The following SOCS7 variants were observed in gnomAD, a reference collection of about 807,000 sequenced individuals.
SOCS7 encodes the protein NAP-4.
A neutral mutation model predicts 58.9 loss-of-function variants in SOCS7; 18 were observed. The observed-to-expected ratio is 0.31, with a 90% CI of 0.21 to 0.45. SOCS7 has a LOEUF of 0.45. Among genes scored for constraint, SOCS7 ranks in the 20% least tolerant of loss-of-function variants. The pLI is 1.00. For missense variants in SOCS7, 667 were observed against 837.3 expected (o/e 0.80, Z 2.51); for synonymous variants, 388 against 364.3 (o/e 1.06, Z -0.74).
chr17:38,358,471 A>G (rs1555567129), intron 1 of SOCS7, among the ~76,000 whole-genome samples: 1 of 152,216 alleles, frequency 6.6e-6, no homozygotes, highest in Non-Finnish European at 1.5e-5. Context: ...TAAACTTAAC[A>G]AATAGAATGT....
intron 7 of SOCS7, among the ~76,000 whole-genome samples, chr17:38,390,549 T>G (rs2038156995): frequency 6.6e-6 from 1 of 152,174 alleles, no homozygotes. Context: ...ATATTATGTC[T>G]TCTGATCCAT....
At chr17:38,366,526 G>A in intron 5 of SOCS7, 109 bp downstream of exon 5, 1 of 1,343,732 alleles carries the variant, frequency 7.4e-7, no homozygotes, top group Non-Finnish European at 1.0e-6. Context: ...ACAGGGTCTG[G>A]CTCTGTTGCC....
chr17:38,373,507 T>G (rs1361755214), intron 6 of SOCS7, among the ~76,000 whole-genome samples: 1 of 152,236 alleles, frequency 6.6e-6, no homozygotes, highest in African/African-American at 2.4e-5. Context: ...GCTGACTCTC[T>G]GGTTTTGTGC....
At chr17:38,372,135 A>AT (rs1206718141) in intron 6 of SOCS7, among the ~76,000 whole-genome samples, 1 of 152,094 alleles carries the variant, frequency 6.6e-6, no homozygotes, top group Non-Finnish European at 1.5e-5. Flanking sequence ...ATATTGGAAA[A>AT]TTTTTTGGAG....
chr17:38,389,906 T>TATATATATGTAC (rs1555571102), intron 7 of SOCS7, among the ~76,000 whole-genome samples: 7 of 103,470 alleles, frequency 6.8e-5, no homozygotes, highest in African/African-American at 9.4e-5. Context: ...TATACACATA[T>TATATATATGTAC]AGAGAGAGAG....
At chr17:38,375,773 A>G (rs1400031093) in intron 6 of SOCS7, 4 of 152,170 alleles carry the variant, frequency 2.6e-5, no homozygotes, top group Admixed American at 1.3e-4. Flanking sequence ...AAGGTCATTA[A>G]TAGGTTCTTG....
intron 6 of SOCS7, chr17:38,376,104 A>G (rs2037927594): frequency 6.6e-6 from 1 of 152,240 alleles, no homozygotes; most frequent in African/African-American, 2.4e-5. Flanking sequence ...ACAGTGAAAT[A>G]TATGTAAACT....
At chr17:38,368,504 TTC>T (rs938869673) in intron 6 of SOCS7, among the ~76,000 whole-genome samples, 6 of 141,420 alleles carry the variant, frequency 4.2e-5, no homozygotes, top group African/African-American at 1.7e-4. Context: ...CTGAATTTCT[TTC>T]TTTTTTTTTT....
Position 38,404,908 on chromosome 17 carries a change from A to G in SOCS7, c.*5426A>G, listed in dbSNP as rs1410134349. 1 of 152,138 alleles carries G rather than the reference A, an allele frequency of 6.6e-6. No individual in the cohort carries two copies. Among genetic ancestry groups the G allele is most frequent in the African/African-American group, 2.4e-5 (1 of 41,422 alleles). 9.4% of individuals were successfully genotyped at this position (152,138 alleles called of 1,614,324 possible). ...CACTGGTGCTGCCTGTGGCATAGCC[A>G]CTGCTGTACGTTTTTGGTTGTTTTT... On this transcript the variant is annotated 3_prime_UTR_variant, in exon 10 of 10. Coordinates refer to ENST00000612932, the MANE Select transcript of SOCS7 (RefSeq NM_014598.4).
chr17:38,364,616 TG>T, intron 2 of SOCS7, 135 bp from the exon 3 acceptor site: 1 of 679,918 alleles, frequency 1.5e-6, no homozygotes, highest in Non-Finnish European at 2.6e-6. Context: ...ATTTCAGCCC[TG>T]GGGGCATTAG....
In SOCS7 at chr17:38,352,816, C is replaced by T; in HGVS notation, c.764C>T (p.Pro255Leu). 1.3e-6 allele frequency: 2 copies of T among 1,558,928 alleles called. No individual in the cohort carries two copies. The highest frequency in any genetic ancestry group is 1.7e-6 in the Non-Finnish European group (2 of 1,151,912). ...CAGCAGCAGCAGCAACCTCCCCCGC[C>T]CCCGCCTCCTCCCGGGCCCCTCCGG... ...QQQQQQQPPP[P>L]PPPPGPLRPL... Residue 255 changes from proline to leucine, a missense_variant, in exon 1 of 10, where the codon CCC (proline) becomes CTC (leucine). Physicochemically the swap from Pro to Leu is moderately conservative, Grantham distance 98. Coordinates refer to ENST00000612932, the MANE Select transcript of SOCS7 (RefSeq NM_014598.4). The surrounding 1 kb of genome is among the most constrained non-coding windows in gnomAD (Gnocchi z 5.5).
At chr17:38,359,727 T>C (rs1200257193) in intron 1 of SOCS7, among the ~76,000 whole-genome samples, 1 of 150,628 alleles carries the variant, frequency 6.6e-6, no homozygotes, top group Admixed American at 6.6e-5. Context: ...TTTCTTTAAG[T>C]CTGTTTTACT....
chr17:38,386,215 T>C (rs1419473322), intron 7 of SOCS7, among the ~76,000 whole-genome samples: 1 of 149,540 alleles, frequency 6.7e-6, no homozygotes, highest in Non-Finnish European at 1.5e-5. Flanking sequence ...TCCCAGCTAC[T>C]TGGGAGGCTG....
intron 7 of SOCS7, among the ~76,000 whole-genome samples, chr17:38,382,446 A>G (rs1028964075): frequency 1.1e-3 from 162 of 151,556 alleles, no homozygotes; most frequent in African/African-American, 3.7e-3. Context: ...TCAAAAAAAA[A>G]AAAAAAAAAA....
chr17:38,399,054 C>T (rs975694010), intron 9 of SOCS7, among the ~76,000 whole-genome samples: 4 of 149,976 alleles, frequency 2.7e-5, no homozygotes, highest in African/African-American at 9.9e-5. Flanking sequence ...TGCCTTTGCA[C>T]TCCAGCCTGG....
chr17:38,396,321 G>T (rs1050559394), intron 9 of SOCS7, among the ~76,000 whole-genome samples: 6 of 152,122 alleles, frequency 3.9e-5, no homozygotes, highest in Non-Finnish European at 8.8e-5. Context: ...AAAAAAATAA[G>T]AAGAAGAGTG....
intron 1 of SOCS7, among the ~76,000 whole-genome samples, chr17:38,360,699 C>A (rs2144321706): frequency 6.6e-6 from 1 of 152,066 alleles, no homozygotes; most frequent in East Asian, 1.9e-4. Context: ...GCCACCACAC[C>A]CGGCTAATTT....
Position 38,352,582 on chromosome 17 carries a change from C to T in SOCS7, c.530C>T (p.Ala177Val), listed in dbSNP as rs1225072473. 6.5e-7 allele frequency: 1 copy of T among 1,549,946 alleles called. No homozygotes were observed. Among genetic ancestry groups the T allele is most frequent in the Admixed American group, 2.0e-5 (1 of 50,994 alleles). ...GAGGACCCCACGGAAACGAGCGACG[C>T]GCTGCTGGTCCTGGAGGGCTTGGAA... ...AGEDPTETSD[A>V]LLVLEGLESE... Residue 177 changes from alanine (A) to valine (V), a missense_variant, in exon 1 of 10, where the codon GCG becomes GTG. Around this residue, in one of 9 missense-constraint regions of SOCS7, gnomAD observed 4 missense variants for 21.6 expected, o/e 0.19. Transcript: ENST00000612932. This position sits in a 1 kb window ranked among gnomAD's most constrained non-coding sequence, Gnocchi z 5.5.
intron 6 of SOCS7, among the ~76,000 whole-genome samples, chr17:38,370,340 G>A (rs1258253746): frequency 6.6e-6 from 1 of 152,080 alleles, no homozygotes; most frequent in Non-Finnish European, 1.5e-5. Context: ...CCTTGAATAA[G>A]TAGAATTTCT....
Sources: gnomAD v4.1 joint callset for allele counts (sites outside exome capture counted in the v4.1 genomes callset) on GRCh38, gnomAD v4.1.1 for gene constraint, gnomAD v4.1.1 regional missense constraint, Gnocchi (gnomAD v3.1) non-coding constraint, MANE v1.5 for transcripts, NCBI Gene and HGNC (gene_info 2026-07-23, HGNC 2026-07-21) for gene names.